The following LRCH3 variants were observed in gnomAD, a reference collection of about 807,000 sequenced individuals.
LRCH3 encodes leucine rich repeats and calponin homology domain containing 3.
In LRCH3, 68 loss-of-function variants were observed where a neutral mutation model predicts 104.5. The observed-to-expected ratio is 0.65, with a 90% confidence interval of 0.54 to 0.80. LRCH3 has a LOEUF of 0.80. Among genes scored for constraint, LRCH3 ranks in the 30% least tolerant of loss-of-function variants. The pLI is 0.00. For missense variants in LRCH3, 951 were observed against 953.9 expected, an observed-to-expected ratio of 1.00 and a Z score of 0.04; for synonymous variants, 344 against 361.3, an observed-to-expected ratio of 0.95 and a Z score of 0.54.
intron 1 of LRCH3, among the ~76,000 whole-genome samples, chr3:197,792,578 T>TTGG (rs1730675500): frequency 6.7e-4 from 16 of 23,824 alleles, no homozygotes; most frequent in Admixed American, 1.2e-3. Flanking sequence ...CAGCTAATTT[T>TTGG]ATATATATAT....
In LRCH3 at chr3:197,858,784, C is replaced by T. The variant is rs184668065; in HGVS notation, c.1645-50C>T. The T allele has an allele frequency of 2.8e-6, 4 of 1,453,216 alleles. No individual in the cohort carries two copies. The African/African-American group carries it at 4.2e-5, about 15-fold the overall frequency. 90.0% of individuals were successfully genotyped at this position (1,453,216 alleles called of 1,614,324 possible). On this transcript the variant is annotated intron_variant, in intron 14 of 20. Transcript: ENST00000425562. ...GTCAGATCTGCCTGCCTGACATTTG[C>T]TAACATAAATGCTGCCTTCTGTTTC...
chr3:197,866,257 A>T, intron 17 of LRCH3, 38 bp downstream of exon 17: 1 of 1,460,246 alleles, frequency 6.8e-7, no homozygotes, highest in Non-Finnish European at 9.6e-7. Flanking sequence ...GAGCGAGGGG[A>T]GGTTTACACA....
chr3:197,848,159 T>A, intron 12 of LRCH3, 138 bp downstream of exon 12: 1 of 744,688 alleles, frequency 1.3e-6, no homozygotes, highest in Non-Finnish European at 2.2e-6. Flanking sequence ...AAATAGAGTG[T>A]CTCTTTTACT....
In LRCH3 at chr3:197,883,696, G is replaced by A; in HGVS notation, c.*30G>A. The A allele has an allele frequency of 5.2e-6, 8 of 1,527,892 alleles. No homozygotes were observed. The highest frequency in any genetic ancestry group is 7.0e-6 in the Non-Finnish European group (8 of 1,143,248). The allele number at this position is 1,527,892 out of a possible 1,614,324, so 94.6% of individuals were successfully genotyped here. A position where few individuals can be genotyped will look rare whatever the true frequency, so the allele number is the denominator to read the frequency against. On this transcript the variant is annotated 3_prime_UTR_variant, in exon 21 of 21. Transcript: ENST00000425562. This position sits in a 1 kb window ranked among gnomAD's most constrained non-coding sequence, Gnocchi z 4.2. Reference sequence around the variant, plus strand: ...CCCCAGGACGGTGGGCACTGGCCTGGCCAAAACAAGGAACAGGACACCGTG... The same window carrying A: ...CCCCAGGACGGTGGGCACTGGCCTGACCAAAACAAGGAACAGGACACCGTG...
rs528111945 is a variant in LRCH3, at chr3:197,795,837, C to T, written c.262+4297C>T. On this transcript the variant is annotated intron_variant, in intron 1 of 20. Transcript: ENST00000425562. ...CCTCCTGAGTAGCTGGGACTACAGG[C>T]GCCCACCACCACGCCTGGCTAATTT... 5.4e-4 allele frequency among the ~76,000 whole-genome samples: 82 copies of T among 151,606 alleles called. 2 individuals carry two copies. The South Asian group carries it at 0.015, about 28-fold the overall frequency.
intron 1 of LRCH3, 52 bp from the exon 2 acceptor site, chr3:197,814,856 A>G (rs1486635525): frequency 1.4e-6 from 2 of 1,445,976 alleles, no homozygotes; most frequent in East Asian, 4.8e-5. Flanking sequence ...AAAGATTTCA[A>G]TAAAATAAGT....
intron 20 of LRCH3, among the ~76,000 whole-genome samples, chr3:197,878,432 T>G (rs1396585293): frequency 6.6e-6 from 1 of 152,124 alleles, no homozygotes; most frequent in Non-Finnish European, 1.5e-5. Flanking sequence ...ACCAGAGCTG[T>G]GCTGTTGGAA....
At chr3:197,879,955 T>TG (rs947462313) in intron 20 of LRCH3, among the ~76,000 whole-genome samples, 199 of 138,024 alleles carry the variant, frequency 1.4e-3, no homozygotes, top group African/African-American at 6.4e-3. Flanking sequence ...GTATTTTTTT[T>TG]TTTTTTTTGA....
At chr3:197,829,264 C>G (rs1013734334) in intron 5 of LRCH3, among the ~76,000 whole-genome samples, 6 of 152,276 alleles carry the variant, frequency 3.9e-5, no homozygotes, top group South Asian at 2.1e-4. Flanking sequence ...AAATCTCTGA[C>G]TATGCAAACT....
rs1176122104 is a variant in LRCH3, at chr3:197,825,078, A to C, written c.641-1800A>C. ...TGTTTGATTATAAATCCAGGTTGAAAACTATTTTCTTTCAAGACTTTTAAG... is the reference window on the plus strand; with the variant it reads ...TGTTTGATTATAAATCCAGGTTGAACACTATTTTCTTTCAAGACTTTTAAG... On this transcript the variant is annotated intron_variant, in intron 4 of 20. Transcript: ENST00000425562. 7.2e-5 allele frequency among the ~76,000 whole-genome samples: 11 copies of C among 152,336 alleles called. No homozygotes were observed. In the East Asian group the frequency reaches 2.1e-3, roughly 29 times the overall value.
intron 19 of LRCH3, 101 bp downstream of exon 19, chr3:197,871,563 G>A: frequency 6.1e-6 from 9 of 1,482,654 alleles, no homozygotes; most frequent in Non-Finnish European, 8.3e-6. Flanking sequence ...TAAGGATACA[G>A]ATATAAAGAG....
In LRCH3 at chr3:197,856,501, A is replaced by G. The variant is rs559452804; in HGVS notation, c.1644+2056A>G. On this transcript the variant is annotated intron_variant, in intron 14 of 20. Transcript: ENST00000425562. This position sits in a 1 kb window ranked among gnomAD's most constrained non-coding sequence, Gnocchi z 4.2. Reference sequence around the variant, plus strand: ...TGGCATGAACATGGTTCCTTGAAGCATCAGCCTCTTGAGTAGCTGGGACTA... The same window carrying G: ...TGGCATGAACATGGTTCCTTGAAGCGTCAGCCTCTTGAGTAGCTGGGACTA... 1.3e-5 allele frequency among the ~76,000 whole-genome samples: 2 copies of G among 152,024 alleles called. No homozygotes were observed. Among genetic ancestry groups the G allele is most frequent in the South Asian group, 4.2e-4 (2 of 4,816 alleles).
intron 7 of LRCH3, 31 bp downstream of exon 7, chr3:197,830,894 A>C: frequency 6.7e-7 from 1 of 1,483,846 alleles, no homozygotes; most frequent in Non-Finnish European, 9.4e-7. Flanking sequence ...GTGTGTTATA[A>C]CACCTGATTA....
At chr3:197,816,803 GGAT>G (rs1360466328) in intron 2 of LRCH3, among the ~76,000 whole-genome samples, 1 of 152,050 alleles carries the variant, frequency 6.6e-6, no homozygotes, top group Non-Finnish European at 1.5e-5. Flanking sequence ...GAAGTAAGGA[GGAT>G]GATATTATCC....
intron 19 of LRCH3, among the ~76,000 whole-genome samples, chr3:197,874,726 T>C (rs1348240644): frequency 6.6e-6 from 1 of 152,184 alleles, no homozygotes; most frequent in Non-Finnish European, 1.5e-5. Flanking sequence ...TTGTAACTAT[T>C]CGTTCAAAGT....
intron 4 of LRCH3, among the ~76,000 whole-genome samples, chr3:197,820,817 G>A (rs1482353484): frequency 6.6e-6 from 1 of 151,896 alleles, no homozygotes; most frequent in Non-Finnish European, 1.5e-5. Flanking sequence ...TAAAAAAACG[G>A]GGTGGGGAGA....
intron 8 of LRCH3, among the ~76,000 whole-genome samples, chr3:197,834,230 T>G (rs1023211904): frequency 6.6e-5 from 10 of 152,202 alleles, no homozygotes; most frequent in Non-Finnish European, 1.5e-4. Context: ...TTCATTACTT[T>G]TAAACTTAAA....
At chr3:197,873,603 G>A (rs557610122) in intron 19 of LRCH3, among the ~76,000 whole-genome samples, 36 of 152,168 alleles carry the variant, frequency 2.4e-4, no homozygotes, top group African/African-American at 7.7e-4. Flanking sequence ...AAAATTAGGC[G>A]TGCACCTGCT....
chr3:197,882,055 A>G, intron 20 of LRCH3: 1 of 985,450 alleles, frequency 1.0e-6, no homozygotes, highest in Non-Finnish European at 1.2e-6. Flanking sequence ...CAGAGTTGAA[A>G]CACCTGTTAA....
Sources: gnomAD v4.1 joint callset for allele counts (sites outside exome capture counted in the v4.1 genomes callset) on GRCh38, gnomAD v4.1.1 for gene constraint, Gnocchi (gnomAD v3.1) non-coding constraint, MANE v1.5 for transcripts, NCBI Gene and HGNC (gene_info 2026-07-23, HGNC 2026-07-21) for gene names.